EYS: variants seen among roughly 807,000 people sequenced by gnomAD.
EYS encodes protein eyes shut homolog.
Under a neutral mutation model 282.1 loss-of-function variants are expected in EYS, and 250 were observed. That is an observed-to-expected ratio of 0.89 (90% CI 0.80 to 0.98). EYS has a LOEUF of 0.98. Among genes scored for constraint, EYS ranks in the 50% least tolerant of loss-of-function variants. The pLI is 0.00. For synonymous variants in EYS, 1,355 were observed against 1,282.9 expected (o/e 1.06, Z -1.20); for missense variants, 4,016 against 3,709.0 (o/e 1.08, Z -2.15).
intron 12 of EYS, among the ~76,000 whole-genome samples, chr6:65,203,558 C>T (rs909569743): frequency 2.0e-5 from 3 of 152,060 alleles, no homozygotes; most frequent in Non-Finnish European, 4.4e-5. Context: ...CAGTCACACT[C>T]TCAAGGAGGA....
chr6:63,883,824 T>A (rs906120631), intron 35 of EYS, among the ~76,000 whole-genome samples: 1 of 152,226 alleles, frequency 6.6e-6, no homozygotes, highest in Admixed American at 6.5e-5. Context: ...TTCTCTTTTG[T>A]ATGATACTCT....
chr6:63,786,203 T>G lies in EYS; in HGVS notation c.7723+1902A>C, dbSNP rs564599356. 7.5e-5 allele frequency: 5 copies of G among 66,360 alleles called. No individual in the cohort carries two copies. The East Asian group carries it at 1.6e-3, about 22-fold the overall frequency. The allele number at this position is 66,360 out of a possible 1,614,324, so 4.1% of individuals were successfully genotyped here. ...TCCAGCCTTGATGACACAGCGAGACTCAAAAAAAAAAAAAAAAAAAGGTAA... is the reference window on the plus strand; with the variant it reads ...TCCAGCCTTGATGACACAGCGAGACGCAAAAAAAAAAAAAAAAAAAGGTAA... On this transcript the variant is annotated intron_variant, in intron 39 of 42. Transcript: ENST00000503581.
chr6:64,452,450 T>C (rs1775388049), intron 26 of EYS, among the ~76,000 whole-genome samples: 1 of 152,140 alleles, frequency 6.6e-6, no homozygotes, highest in Admixed American at 6.5e-5. Context: ...AATTTACAGA[T>C]TCAATGTCAT....
intron 12 of EYS, among the ~76,000 whole-genome samples, chr6:65,285,366 TA>T: frequency 6.6e-6 from 1 of 151,972 alleles, no homozygotes; most frequent in East Asian, 1.9e-4. Flanking sequence ...CTTTACATTG[TA>T]GCAAAAATAA....
At chr6:65,372,895 A>T (rs1336068260) in intron 8 of EYS, among the ~76,000 whole-genome samples, 4 of 152,094 alleles carry the variant, frequency 2.6e-5, no homozygotes, top group Non-Finnish European at 5.9e-5. Flanking sequence ...TATTTTATTA[A>T]TATCAGCTTC....
At chr6:65,581,523 A>T (rs1764871280) in intron 2 of EYS, among the ~76,000 whole-genome samples, 1 of 152,172 alleles carries the variant, frequency 6.6e-6, no homozygotes, top group African/African-American at 2.4e-5. Flanking sequence ...AATGTTCAAT[A>T]CTTGGTGTGC....
At chr6:65,206,101 T>G (rs523394) in intron 12 of EYS, among the ~76,000 whole-genome samples, 56,602 of 151,326 alleles carry the variant, frequency 0.37, 11,366 homozygotes, top group African/African-American at 0.52. Flanking sequence ...TGAAAAGTTG[T>G]TTATTGGAAA....
In EYS at chr6:65,031,501, T is replaced by C. The variant is rs147646302; in HGVS notation, c.2137+26113A>G. ...AAGACATAAAATAATTGTTAGTAAA[T>C]TCAAAAAAACAAAATCATACCAACC... On this transcript the variant is annotated intron_variant, in intron 13 of 42. Transcript: ENST00000503581. Among the ~76,000 whole-genome samples the C allele has an allele frequency of 1.2e-3, 179 of 151,920 alleles. 2 individuals carry two copies. The East Asian group carries it at 0.012, about 10-fold the overall frequency.
At chr6:64,765,430 G>T (rs1773293217) in intron 22 of EYS, among the ~76,000 whole-genome samples, 1 of 152,110 alleles carries the variant, frequency 6.6e-6, no homozygotes, top group South Asian at 2.1e-4. Context: ...AACTGTTCCA[G>T]CCTCTGCCTG....
At chr6:65,374,626 A>C (rs1435719113) in intron 8 of EYS, among the ~76,000 whole-genome samples, 1 of 151,778 alleles carries the variant, frequency 6.6e-6, no homozygotes, top group African/African-American at 2.4e-5. Context: ...CCACTCCCTT[A>C]AGTCCAGCAA....
intron 26 of EYS, among the ~76,000 whole-genome samples, chr6:64,543,606 A>G (rs371903662): frequency 1.3e-5 from 2 of 152,284 alleles, no homozygotes; most frequent in East Asian, 1.9e-4. Flanking sequence ...AATTAATACA[A>G]TACAATCTAG....
At chr6:65,475,265 T>G (rs935710542) in intron 5 of EYS, among the ~76,000 whole-genome samples, 7 of 152,098 alleles carry the variant, frequency 4.6e-5, no homozygotes, top group Non-Finnish European at 1.0e-4. Context: ...AATACACAAG[T>G]AGTTCTTGGT....
Position 65,453,176 on chromosome 6 carries a change from C to T in EYS, c.862+37418G>A, listed in dbSNP as rs138742963. Reference sequence around the variant, plus strand: ...GTTCGAAGTCCATATACAAACATAGCGTGTATTTAACTATTTATGTATTTA... The same window carrying T: ...GTTCGAAGTCCATATACAAACATAGTGTGTATTTAACTATTTATGTATTTA... On this transcript the variant is annotated intron_variant, in intron 5 of 42. Transcript: ENST00000503581. Among the ~76,000 whole-genome samples, 1,328 of 152,020 alleles carry T rather than the reference C, an allele frequency of 8.7e-3. 17 individuals carry two copies. The highest frequency in any genetic ancestry group is 0.028 in the African/African-American group (1,157 of 41,496).
intron 35 of EYS, among the ~76,000 whole-genome samples, chr6:63,964,839 C>T (rs748009413): frequency 1.4e-4 from 21 of 152,144 alleles, no homozygotes; most frequent in Non-Finnish European, 2.8e-4. Context: ...TTTCAGGCTA[C>T]AGTAGACAGA....
intron 29 of EYS, among the ~76,000 whole-genome samples, chr6:64,365,512 C>T (rs1369601027): frequency 6.6e-6 from 1 of 151,930 alleles, no homozygotes; most frequent in Non-Finnish European, 1.5e-5. Context: ...TAAGAGCAGC[C>T]ATGGACACTC....
chr6:64,658,333 A>C (rs1332007586), intron 22 of EYS, among the ~76,000 whole-genome samples: 3 of 151,894 alleles, frequency 2.0e-5, no homozygotes, highest in African/African-American at 7.3e-5. Flanking sequence ...TGATCGTCTG[A>C]AGCCTTCTTC....
intron 30 of EYS, among the ~76,000 whole-genome samples, chr6:64,275,833 C>T (rs986612708): frequency 5.9e-5 from 9 of 151,642 alleles, no homozygotes; most frequent in South Asian, 2.1e-4. Context: ...GGCGTGGTGG[C>T]GGGCACCTAT....
chr6:65,063,016 G>A (rs567673340), intron 12 of EYS, among the ~76,000 whole-genome samples: 8 of 151,898 alleles, frequency 5.3e-5, no homozygotes, highest in South Asian at 4.2e-4. Flanking sequence ...AGTTCACAGC[G>A]CAAAGTTGGG....
chr6:63,729,388 T>G (rs1267087311), intron 41 of EYS, among the ~76,000 whole-genome samples: 1 of 152,090 alleles, frequency 6.6e-6, no homozygotes, highest in Admixed American at 6.5e-5. Flanking sequence ...TAGAAACTCA[T>G]CATCAAACTC....
Sources: allele counts gnomAD v4.1 joint callset (sites outside exome capture counted in the v4.1 genomes callset), GRCh38; gene constraint gnomAD v4.1.1; transcripts MANE v1.5; gene names NCBI Gene and HGNC (gene_info 2026-07-23, HGNC 2026-07-21).